Variants in HEXB observed in about 807,000 individuals in gnomAD.
The protein encoded by HEXB is hexosaminidase subunit beta, also known as beta-hexosaminidase subunit beta.
HEXB carries 51 observed loss-of-function variants against 71.2 expected under a neutral mutation model. The ratio of observed to expected loss-of-function variants is 0.72; its 90% CI spans 0.57 to 0.90. The LOEUF (loss-of-function observed/expected upper bound fraction) is 0.90. Ranked by LOEUF, HEXB falls within the 40% of genes least tolerant of loss-of-function variation. HEXB has a pLI of 0.00. For synonymous variants in HEXB, 266 were observed against 249.3 expected (o/e 1.07, Z -0.63); for missense variants, 617 against 677.0 (o/e 0.91, Z 0.98).
intron 5 of HEXB, among the ~76,000 whole-genome samples, chr5:74,701,051 T>A (rs1188053251): frequency 7.3e-6 from 1 of 137,086 alleles, no homozygotes; most frequent in Non-Finnish European, 1.5e-5. Context: ...CCTGCTAACA[T>A]TTTTTTTTTT....
intron 6 of HEXB, among the ~76,000 whole-genome samples, chr5:74,711,541 C>T (rs1403291664): frequency 1.3e-5 from 2 of 151,980 alleles, no homozygotes; most frequent in African/African-American, 4.8e-5. Flanking sequence ...ACTCATCTGA[C>T]AAAGGAAATA....
At chr5:74,654,833 T>C (rs4397112) in intron 1 of HEXB, among the ~76,000 whole-genome samples, 44,572 of 151,966 alleles carry the variant, frequency 0.29, 7,230 homozygotes, top group African/African-American at 0.41. Context: ...GAATTGAATG[T>C]GGGCAATGAT....
At chr5:74,670,249 T>G (rs1352812625) in intron 1 of HEXB, among the ~76,000 whole-genome samples, 2 of 151,812 alleles carry the variant, frequency 1.3e-5, no homozygotes, top group Non-Finnish European at 2.9e-5. Flanking sequence ...TCTTTTTTTT[T>G]TTTGCCTACT....
At chr5:74,684,089 G>A (rs910004772), upstream of HEXB, among the ~76,000 whole-genome samples, 3 of 152,142 alleles carry the variant, frequency 2.0e-5, no homozygotes, top group Non-Finnish European at 4.4e-5. Flanking sequence ...AAAGTGCTGG[G>A]ATTTCAGGCG....
At chr5:74,709,188 G>A (rs187057831) in intron 6 of HEXB, among the ~76,000 whole-genome samples, 6 of 152,334 alleles carry the variant, frequency 3.9e-5, no homozygotes, top group African/African-American at 4.8e-5. Context: ...GCTCCTGAAT[G>A]ATTACTGGGT....
intron 1 of HEXB, among the ~76,000 whole-genome samples, chr5:74,663,272 C>T (rs192782470): frequency 1.4e-3 from 219 of 152,124 alleles, no homozygotes; most frequent in Non-Finnish European, 2.5e-3. Flanking sequence ...CTCACTGCAA[C>T]CTCCACCTCC....
intron 6 of HEXB, among the ~76,000 whole-genome samples, chr5:74,709,499 C>G (rs1178635413): frequency 6.6e-6 from 1 of 152,080 alleles, no homozygotes; most frequent in East Asian, 1.9e-4. Context: ...TTAATGAATC[C>G]AGAAGCTGGT....
intron 1 of HEXB, among the ~76,000 whole-genome samples, chr5:74,651,777 C>A (rs980653154): frequency 1.6e-4 from 24 of 152,188 alleles, no homozygotes; most frequent in African/African-American, 5.8e-4. Context: ...TTAAATCACC[C>A]AAACAGCAAG....
intron 1 of HEXB, among the ~76,000 whole-genome samples, chr5:74,688,843 G>C (rs1239213908): frequency 6.6e-6 from 1 of 152,222 alleles, no homozygotes; most frequent in Non-Finnish European, 1.5e-5. Flanking sequence ...TGGCTCAACA[G>C]TGTTACCAGG....
chr5:74,647,346 C>T (rs777829721), intron 1 of HEXB, among the ~76,000 whole-genome samples: 8 of 152,318 alleles, frequency 5.3e-5, no homozygotes, highest in East Asian at 1.9e-4. Flanking sequence ...AAGAAGGGAC[C>T]TTTGTGGTCC....
chr5:74,702,301 A>G (rs2112151495), intron 5 of HEXB, among the ~76,000 whole-genome samples: 1 of 150,946 alleles, frequency 6.6e-6, no homozygotes, highest in Non-Finnish European at 1.5e-5. Flanking sequence ...GATGGTCTCG[A>G]TCTCCTGACC....
At position 74,689,972 on chromosome 5, in the gene HEXB, T is replaced by G. The variant is rs114732061; in HGVS notation, c.445+499T>G. 2.7e-3 allele frequency: 437 copies of G among 161,514 alleles called. 5 individuals carry two copies. Among genetic ancestry groups the G allele is most frequent in the African/African-American group, 9.9e-3 (401 of 40,408 alleles). The allele number at this position is 161,514 out of a possible 1,614,324, so 10.0% of individuals were successfully genotyped here. ...TCTGTCACTATATGGATGAGCTGAC[T>G]TGGGTAATCTCTTTTGGACATCTAG... On this transcript the variant is annotated intron_variant, in intron 2 of 13. Transcript: ENST00000261416.
intron 1 of HEXB, among the ~76,000 whole-genome samples, chr5:74,668,302 C>CT: frequency 6.6e-6 from 1 of 151,538 alleles, no homozygotes; most frequent in Middle Eastern, 3.4e-3. Flanking sequence ...CTGCTTTTCT[C>CT]TTTTCAGTTC....
intron 5 of HEXB, among the ~76,000 whole-genome samples, chr5:74,703,549 G>T (rs149153583): frequency 1.3e-5 from 2 of 152,126 alleles, no homozygotes; most frequent in African/African-American, 4.8e-5. Context: ...GCTAGAAAAC[G>T]TGTGTACCTG....
chr5:74,685,662 A>C, intron 1 of HEXB, 103 bp downstream of exon 1: 3 of 1,068,458 alleles, frequency 2.8e-6, no homozygotes, highest in African/African-American at 1.7e-5. Context: ...GCAGACGAGA[A>C]ACCGCCTGGG....
At chr5:74,709,764 C>G (rs1749492851) in intron 6 of HEXB, among the ~76,000 whole-genome samples, 1 of 152,122 alleles carries the variant, frequency 6.6e-6, no homozygotes. Flanking sequence ...CTGAATAGAC[C>G]AATAACAGGA....
chr5:74,673,552 C>T (rs1580371195), intron 1 of HEXB, among the ~76,000 whole-genome samples: 1 of 152,284 alleles, frequency 6.6e-6, no homozygotes, highest in East Asian at 1.9e-4. Flanking sequence ...CATCTCCCCT[C>T]CTCCCAGTGT....
chr5:74,701,932 C>G (rs928219202), intron 5 of HEXB, among the ~76,000 whole-genome samples: 1 of 152,060 alleles, frequency 6.6e-6, no homozygotes, highest in African/African-American at 2.4e-5. Flanking sequence ...GCATCTAATA[C>G]GCAGACCCCA....
Position 74,713,558 on chromosome 5 carries a change from T to C in HEXB, c.824T>C (p.Ile275Thr), listed in dbSNP as rs532333261. The change falls in exon 7 of 14, where the codon ATT (isoleucine) becomes ACT (threonine). Residue 275 changes from isoleucine (I) to threonine (T), a missense_variant. Coordinates refer to ENST00000261416, the MANE Select transcript of HEXB (RefSeq NM_000521.4). The stretch of plus-strand genomic sequence containing the variant: ...ACACCAAATGATGTCCGTATGGTGA[T>C]TGAATATGCCAGATTACGAGGAATT... ...VYTPNDVRMV[I>T]EYARLRGIRV... 1.9e-5 allele frequency: 31 copies of C among 1,611,580 alleles called. No homozygotes were observed. In the East Asian group the frequency reaches 3.6e-4, roughly 19 times the overall value.
Sources: gnomAD v4.1 joint callset for allele counts (sites outside exome capture counted in the v4.1 genomes callset) on GRCh38, gnomAD v4.1.1 for gene constraint, MANE v1.5 for transcripts, NCBI Gene and HGNC (gene_info 2026-07-23, HGNC 2026-07-21) for gene names.